Variants in DEPTOR observed in about 807,000 individuals in gnomAD.
DEPTOR encodes DEP domain-containing mTOR-interacting protein.
In DEPTOR, 41 loss-of-function variants were observed where a neutral mutation model predicts 41.6. The observed-to-expected ratio is 0.98, with a 90% CI of 0.77 to 1.28. The LOEUF (loss-of-function observed/expected upper bound fraction) is 1.28. Among genes scored for constraint, DEPTOR ranks in the 50% most tolerant of loss-of-function variants. The pLI is 0.00. For missense variants in DEPTOR, 514 were observed against 527.9 expected (o/e 0.97, Z 0.26); for synonymous variants, 195 against 192.3 (o/e 1.01, Z -0.12).
intron 4 of DEPTOR, among the ~76,000 whole-genome samples, chr8:119,981,990 G>T (rs891994024): frequency 1.1e-4 from 14 of 124,384 alleles, no homozygotes; most frequent in Admixed American, 9.9e-5. Context: ...CTCTAGCCCA[G>T]TCGACAGTGT....
chr8:119,918,420 A>G (rs1827842056), intron 1 of DEPTOR, among the ~76,000 whole-genome samples: 1 of 152,118 alleles, frequency 6.6e-6, no homozygotes, highest in African/African-American at 2.4e-5. Context: ...TGCTAGTGAA[A>G]CATTTGGCAT....
intron 8 of DEPTOR, among the ~76,000 whole-genome samples, chr8:120,010,629 A>G (rs540463049): frequency 7.2e-5 from 11 of 152,074 alleles, no homozygotes; most frequent in South Asian, 2.1e-4. Flanking sequence ...AAAAAAAAAA[A>G]AAGAAGAAAA....
At chr8:119,971,462 C>A (rs529932693) in intron 4 of DEPTOR, among the ~76,000 whole-genome samples, 1 of 152,214 alleles carries the variant, frequency 6.6e-6, no homozygotes, top group East Asian at 1.9e-4. Flanking sequence ...TATACAAGGG[C>A]CTGCTACTAA....
chr8:119,974,354 T>G (rs1365976713), intron 4 of DEPTOR, among the ~76,000 whole-genome samples: 2 of 151,298 alleles, frequency 1.3e-5, no homozygotes, highest in African/African-American at 4.9e-5. Context: ...AGTTCTTAAT[T>G]GAGACCTGCT....
chr8:120,049,438 G>T, intron 8 of DEPTOR, 138 bp from the exon 9 acceptor site: 1 of 961,910 alleles, frequency 1.0e-6, no homozygotes, highest in Middle Eastern at 2.5e-4. Flanking sequence ...GGAAATTATT[G>T]AATTGGAGTC....
At chr8:119,890,740 T>C (rs1827441871) in intron 1 of DEPTOR, among the ~76,000 whole-genome samples, 1 of 152,168 alleles carries the variant, frequency 6.6e-6, no homozygotes. Context: ...TTATCTCCAT[T>C]TTAAAATGGA....
intron 3 of DEPTOR, among the ~76,000 whole-genome samples, chr8:119,959,941 A>G (rs989908631): frequency 3.9e-5 from 6 of 152,144 alleles, no homozygotes; most frequent in Admixed American, 1.3e-4. Context: ...AAGGGTGTAC[A>G]TTCATGGGCC....
intron 1 of DEPTOR, among the ~76,000 whole-genome samples, chr8:119,895,040 C>A (rs1350597494): frequency 6.6e-6 from 1 of 152,172 alleles, no homozygotes; most frequent in Non-Finnish European, 1.5e-5. Context: ...TCTCACAGGG[C>A]AGATGTTTTC....
intron 8 of DEPTOR, among the ~76,000 whole-genome samples, chr8:120,017,934 GT>G (rs1215936263): frequency 6.6e-6 from 1 of 151,974 alleles, no homozygotes; most frequent in African/African-American, 2.4e-5. Context: ...TTTTTTCTCT[GT>G]TTATCTGTTT....
intron 1 of DEPTOR, among the ~76,000 whole-genome samples, chr8:119,883,568 G>A (rs948327140): frequency 2.0e-5 from 3 of 151,160 alleles, no homozygotes; most frequent in Non-Finnish European, 4.4e-5. Context: ...GGGAACAAAT[G>A]TCATGGCCTC....
At chr8:119,892,727 C>T (rs565308808) in intron 1 of DEPTOR, among the ~76,000 whole-genome samples, 8 of 152,184 alleles carry the variant, frequency 5.3e-5, no homozygotes, top group East Asian at 3.9e-4. Context: ...GCTGAGTCTG[C>T]GCTAATGAGA....
At chr8:119,920,722 T>G (rs1448441153) in intron 1 of DEPTOR, among the ~76,000 whole-genome samples, 1 of 152,080 alleles carries the variant, frequency 6.6e-6, no homozygotes, top group Non-Finnish European at 1.5e-5. Context: ...TAGGTGAGGT[T>G]CTTTTGGATC....
At chr8:119,951,060 T>TATACAC (rs1312187090) in intron 3 of DEPTOR, among the ~76,000 whole-genome samples, 36 of 128,994 alleles carry the variant, frequency 2.8e-4, no homozygotes, top group African/African-American at 9.8e-4. Context: ...CTATCTAATA[T>TATACAC]ACACACACAC....
At chr8:119,960,107 C>T (rs1162602170) in intron 3 of DEPTOR, among the ~76,000 whole-genome samples, 2 of 151,800 alleles carry the variant, frequency 1.3e-5, no homozygotes, top group Non-Finnish European at 2.9e-5. Flanking sequence ...GCCTGTAATC[C>T]CAGCAACTCA....
intron 1 of DEPTOR, among the ~76,000 whole-genome samples, chr8:119,881,413 A>T (rs1827294895): frequency 6.6e-6 from 1 of 151,776 alleles, no homozygotes; most frequent in Non-Finnish European, 1.5e-5. Context: ...AGTCCCAGCT[A>T]CTCTGGAGGC....
chr8:119,943,466 G>A lies in DEPTOR; in HGVS notation c.425+13528G>A, dbSNP rs1465672989. Among the ~76,000 whole-genome samples, 6 of 152,220 alleles carry A rather than the reference G, an allele frequency of 3.9e-5. No homozygotes were observed. In the East Asian group the frequency reaches 7.8e-4, roughly 20 times the overall value. ...AACACTTATATAACCATCAGATCTC[G>A]TGAGAACTCACTCACTATCACGAGA... is the stretch of plus-strand genomic sequence containing the variant. On this transcript the variant is annotated intron_variant, in intron 3 of 8. Transcript: ENST00000286234.
intron 4 of DEPTOR, among the ~76,000 whole-genome samples, chr8:119,983,903 AC>A (rs1309296183): frequency 1.3e-5 from 2 of 152,072 alleles, no homozygotes; most frequent in East Asian, 3.9e-4. Flanking sequence ...TGACATACTG[AC>A]TTTATCTCTT....
At position 119,873,943 on chromosome 8, in the gene DEPTOR, G is replaced by T; in HGVS notation, c.97G>T (p.Val33Phe). 1 of 1,613,714 alleles carries T rather than the reference G, an allele frequency of 6.2e-7. No homozygotes were observed. Among genetic ancestry groups the T allele is most frequent in the Non-Finnish European group, 8.5e-7 (1 of 1,179,836 alleles). ...AAGGGAGCTGGAGCGCATGGCTGAG[G>T]TCTTGGTCACCGGGGAACAGCTACG... ...QQRELERMAE[V>F]LVTGEQLRLR... The change falls in exon 1 of 9, where the codon GTC becomes TTC. Residue 33 changes from valine (V) to phenylalanine (F), a missense_variant. Coordinates refer to ENST00000286234, the MANE Select transcript of DEPTOR (RefSeq NM_022783.4).
intron 3 of DEPTOR, among the ~76,000 whole-genome samples, chr8:119,956,891 C>T (rs1192421613): frequency 6.6e-6 from 1 of 151,946 alleles, no homozygotes; most frequent in African/African-American, 2.4e-5. Flanking sequence ...CCCACCACCA[C>T]ACCCAGCTAA....
Sources: allele counts gnomAD v4.1 joint callset (sites outside exome capture counted in the v4.1 genomes callset), GRCh38; gene constraint gnomAD v4.1.1; transcripts MANE v1.5; gene names NCBI Gene and HGNC (gene_info 2026-07-23, HGNC 2026-07-21).